RGS7: variants seen among roughly 807,000 people sequenced by gnomAD.
The protein encoded by RGS7 is regulator of G protein signaling 7.
RGS7 carries 27 observed loss-of-function variants against 81.1 expected under a neutral mutation model. The ratio of observed to expected loss-of-function variants is 0.33; its 90% CI spans 0.25 to 0.46. The LOEUF (loss-of-function observed/expected upper bound fraction) is 0.46, where lower values mean the gene tolerates loss of function less well. RGS7 is among the 20% of genes least tolerant of loss of function. RGS7 has a pLI of 1.00. For synonymous variants in RGS7, 208 were observed against 207.7 expected (o/e 1.00, Z -0.01); for missense variants, 396 against 607.4 (o/e 0.65, Z 3.66).
chr1:241,322,162 T>G (rs761279213), intron 2 of RGS7, among the ~76,000 whole-genome samples: 9 of 152,216 alleles, frequency 5.9e-5, no homozygotes, highest in African/African-American at 1.4e-4. Context: ...CTCACTCTGC[T>G]GGCATACATG....
At chr1:241,198,810 G>A (rs562717928) in intron 2 of RGS7, among the ~76,000 whole-genome samples, 33 of 152,050 alleles carry the variant, frequency 2.2e-4, no homozygotes, top group Non-Finnish European at 3.8e-4. Flanking sequence ...CAGAAAAAAC[G>A]TGGAACATTT....
chr1:241,345,271 A>G (rs1237957724), intron 2 of RGS7, among the ~76,000 whole-genome samples: 1 of 152,214 alleles, frequency 6.6e-6, no homozygotes, highest in Non-Finnish European at 1.5e-5. Flanking sequence ...GATCAGGAAA[A>G]ATAACTATTG....
intron 2 of RGS7, among the ~76,000 whole-genome samples, chr1:241,216,413 T>A (rs746821707): frequency 1.3e-5 from 2 of 152,312 alleles, no homozygotes; most frequent in Non-Finnish European, 1.5e-5. Flanking sequence ...TTTTAAACAG[T>A]GTTCATGGCG....
chr1:241,332,774 G>A (rs1287829210), intron 2 of RGS7, among the ~76,000 whole-genome samples: 1 of 152,148 alleles, frequency 6.6e-6, no homozygotes, highest in Non-Finnish European at 1.5e-5. Flanking sequence ...GTTTAGTATT[G>A]TCAATACAGT....
intron 3 of RGS7, among the ~76,000 whole-genome samples, chr1:241,016,080 T>C (rs1186782284): frequency 6.6e-6 from 1 of 152,220 alleles, no homozygotes; most frequent in Non-Finnish European, 1.5e-5. Context: ...TAACCTAGAA[T>C]CTGGCAAACT....
intron 3 of RGS7, among the ~76,000 whole-genome samples, chr1:241,091,464 C>T (rs2063868543): frequency 6.6e-6 from 1 of 151,658 alleles, no homozygotes; most frequent in Non-Finnish European, 1.5e-5. Flanking sequence ...AGGAGAATGG[C>T]GTGAACCCAG....
intron 2 of RGS7, among the ~76,000 whole-genome samples, chr1:241,242,667 A>G (rs1375756675): frequency 3.3e-5 from 5 of 152,180 alleles, no homozygotes; most frequent in African/African-American, 9.7e-5. Context: ...GATTATGGCC[A>G]TTCTTGCAGA....
chr1:240,864,054 T>C (rs939967482), intron 9 of RGS7, among the ~76,000 whole-genome samples: 8 of 152,236 alleles, frequency 5.3e-5, no homozygotes, highest in East Asian at 3.9e-4. Flanking sequence ...ATAAACAACA[T>C]GAGCATCTGT....
intron 2 of RGS7, among the ~76,000 whole-genome samples, chr1:241,224,897 T>C (rs1026751752): frequency 6.6e-6 from 1 of 152,168 alleles, no homozygotes; most frequent in Non-Finnish European, 1.5e-5. Flanking sequence ...AAAAGTTTGA[T>C]TTGGAGATGA....
At chr1:241,202,395 C>T (rs2073589242) in intron 2 of RGS7, among the ~76,000 whole-genome samples, 1 of 152,168 alleles carries the variant, frequency 6.6e-6, no homozygotes, top group Non-Finnish European at 1.5e-5. Context: ...CTGAAAATCA[C>T]TGACAAAAGG....
intron 2 of RGS7, among the ~76,000 whole-genome samples, chr1:241,170,575 G>A (rs866581187): frequency 6.6e-6 from 1 of 152,138 alleles, no homozygotes; most frequent in Non-Finnish European, 1.5e-5. Context: ...GAGGCACCGT[G>A]GTGGGGTGTA....
intron 2 of RGS7, among the ~76,000 whole-genome samples, chr1:241,335,481 T>C (rs1273147441): frequency 6.6e-6 from 1 of 152,212 alleles, no homozygotes; most frequent in African/African-American, 2.4e-5. Flanking sequence ...AGGAACTACT[T>C]ATTCATAAAA....
intron 6 of RGS7, among the ~76,000 whole-genome samples, chr1:240,906,468 C>T (rs993089347): frequency 6.6e-6 from 1 of 152,164 alleles, no homozygotes; most frequent in Non-Finnish European, 1.5e-5. Flanking sequence ...TCTAGGTCCT[C>T]CGTATAACCT....
At chr1:241,333,139 G>C (rs911337834) in intron 2 of RGS7, among the ~76,000 whole-genome samples, 1 of 152,236 alleles carries the variant, frequency 6.6e-6, no homozygotes, top group Non-Finnish European at 1.5e-5. Flanking sequence ...CAGATCAATA[G>C]AGAGCCAGAC....
chr1:240,943,647 C>T (rs1677980437), intron 4 of RGS7, among the ~76,000 whole-genome samples: 1 of 152,120 alleles, frequency 6.6e-6, no homozygotes. Context: ...TGAAATATGC[C>T]TATGTTTTTC....
At chr1:241,296,915 T>C (rs1375685876) in intron 2 of RGS7, among the ~76,000 whole-genome samples, 1 of 151,948 alleles carries the variant, frequency 6.6e-6, no homozygotes, top group Non-Finnish European at 1.5e-5. Flanking sequence ...TCCAATTGAA[T>C]TTGTTTTAAT....
chr1:240,833,835 CA>C (rs1558324213), intron 9 of RGS7, among the ~76,000 whole-genome samples: 1 of 151,928 alleles, frequency 6.6e-6, no homozygotes, highest in African/African-American at 2.4e-5. Context: ...GGCTGGAATG[CA>C]GTGGTGCAAT....
intron 2 of RGS7, among the ~76,000 whole-genome samples, chr1:241,120,566 G>C (rs528489425): frequency 6.6e-6 from 1 of 152,142 alleles, no homozygotes; most frequent in African/African-American, 2.4e-5. Context: ...AGCTGGTCTC[G>C]AACTCCTGGA....
chr1:240,929,304 C>T (rs1675003914), intron 6 of RGS7, among the ~76,000 whole-genome samples: 1 of 152,118 alleles, frequency 6.6e-6, no homozygotes, highest in Non-Finnish European at 1.5e-5. Context: ...TAAAATGCTC[C>T]AGAAAGTTCT....
Sources: allele counts gnomAD v4.1 joint callset (sites outside exome capture counted in the v4.1 genomes callset), GRCh38; gene constraint gnomAD v4.1.1; transcripts MANE v1.5; gene names NCBI Gene and HGNC (gene_info 2026-07-23, HGNC 2026-07-21).